ZNF496: variants seen among roughly 807,000 people sequenced by gnomAD.
ZNF496 encodes zinc finger protein 496.
A neutral mutation model predicts 58.9 loss-of-function variants in ZNF496; 11 were observed. The ratio of observed to expected loss-of-function variants is 0.19; its 90% CI spans 0.12 to 0.31. The LOEUF is 0.31. Ranked by LOEUF, ZNF496 falls within the 10% of genes least tolerant of loss-of-function variation. The pLI is 1.00. For synonymous variants in ZNF496, 338 were observed against 318.2 expected, an observed-to-expected ratio of 1.06 and a Z score of -0.66; for missense variants, 660 against 783.0, an observed-to-expected ratio of 0.84 and a Z score of 1.88.
At chr1:247,330,144 C>T (rs1039118341) in intron 2 of ZNF496, 63 bp from the exon 3 acceptor site, 2 of 152,256 alleles carry the variant, frequency 1.3e-5, no homozygotes, top group South Asian at 4.1e-4. Flanking sequence ...GAAAATCCAC[C>T]CTTCTGGTGG....
Position 247,300,852 on chromosome 1 carries a change from G to T in ZNF496, c.1431C>A (p.His477Gln), listed in dbSNP as rs1216767228. 2 of 1,610,946 alleles carry T rather than the reference G, an allele frequency of 1.2e-6. No homozygotes were observed. Among genetic ancestry groups the T allele is most frequent in the South Asian group, 2.2e-5 (2 of 90,674 alleles). Residue 477 changes from histidine (H) to glutamine (Q), a missense_variant, in exon 10 of 10, where the codon CAC becomes CAA. Coordinates refer to ENST00000682384, the MANE Select transcript of ZNF496 (RefSeq NM_032752.3). The surrounding 1 kb of genome is among the most constrained non-coding windows in gnomAD (Gnocchi z 5.7). ...GGTGTATCCGCCGGTGGGAGAGCAG[G>T]TGGGAGTTCAGGCGGAAGCTCTTCC... ...ACGKSFRLNS[H>Q]LLSHRRIHLQ...
intron 6 of ZNF496, among the ~76,000 whole-genome samples, chr1:247,315,355 G>C (rs1659737686): frequency 6.6e-6 from 1 of 152,004 alleles, no homozygotes; most frequent in African/African-American, 2.4e-5. Context: ...CCTGAGGGAA[G>C]GAAGCTGTAT....
chr1:247,301,498 C>T (rs1659236583), intron 9 of ZNF496, among the ~76,000 whole-genome samples: 1 of 152,140 alleles, frequency 6.6e-6, no homozygotes. Context: ...ATGCTGGGCA[C>T]CTTGCTCTCC....
rs1553273480 is a variant in ZNF496, at chr1:247,326,069, T to TATAC, written c.574+2613_574+2614insGTAT. Among the ~76,000 whole-genome samples, 50 of 146,608 alleles carry TATAC rather than the reference T, an allele frequency of 3.4e-4. 2 individuals carry two copies. Among genetic ancestry groups the TATAC allele is most frequent in the Admixed American group, 3.0e-3 (44 of 14,586 alleles). ...ATATATACACACACACACACATATA[T>TATAC]ACACACACACACACATATATACACA... On this transcript the variant is annotated intron_variant, in intron 5 of 9. Transcript: ENST00000682384.
intron 9 of ZNF496, among the ~76,000 whole-genome samples, chr1:247,301,612 G>A (rs770473662): frequency 2.0e-4 from 30 of 152,260 alleles, no homozygotes; most frequent in Non-Finnish European, 3.4e-4. Context: ...ATTTATCTGG[G>A]TAAAGCCTTG....
At chr1:247,320,008 G>A (rs1014722011) in intron 6 of ZNF496, among the ~76,000 whole-genome samples, 6 of 152,122 alleles carry the variant, frequency 3.9e-5, no homozygotes, top group Middle Eastern at 3.4e-3. Flanking sequence ...GTAAAAGGAT[G>A]GAATAAATAT....
At chr1:247,304,040 A>G in intron 9 of ZNF496, 1 of 441,796 alleles carries the variant, frequency 2.3e-6, no homozygotes, top group Non-Finnish European at 4.5e-6. Context: ...ATACCAGCAG[A>G]AACACTGCCA....
chr1:247,322,361 G>A (rs1659988814), intron 6 of ZNF496, among the ~76,000 whole-genome samples: 1 of 152,212 alleles, frequency 6.6e-6, no homozygotes, highest in African/African-American at 2.4e-5. Flanking sequence ...ATTCTGCTGA[G>A]ACATGGTAAT....
chr1:247,317,371 G>C (rs1217475371), intron 6 of ZNF496, among the ~76,000 whole-genome samples: 1 of 152,156 alleles, frequency 6.6e-6, no homozygotes, highest in Non-Finnish European at 1.5e-5. Flanking sequence ...CAGCCAAACA[G>C]GTAATAACTG....
chr1:247,329,841 G>C lies in ZNF496; in HGVS notation c.-38+125C>G, dbSNP rs1660261092. ...TTACGTGTGGATTCCCGTTAAGTGGGTGACTGGATGAACAAGACAGGAAAT... is the reference window on the plus strand; with the variant it reads ...TTACGTGTGGATTCCCGTTAAGTGGCTGACTGGATGAACAAGACAGGAAAT... On this transcript the variant is annotated intron_variant, in intron 3 of 9. Coordinates refer to ENST00000682384, the MANE Select transcript of ZNF496 (RefSeq NM_032752.3). The surrounding 1 kb of genome is among the most constrained non-coding windows in gnomAD (Gnocchi z 5.5). 2.4e-6 allele frequency: 1 copy of C among 409,916 alleles called. No homozygotes were observed. The highest frequency in any genetic ancestry group is 4.3e-6 in the Non-Finnish European group (1 of 233,550). The allele number at this position is 409,916 out of a possible 1,614,324, so 25.4% of individuals were successfully genotyped here.
intron 6 of ZNF496, among the ~76,000 whole-genome samples, chr1:247,319,918 G>A (rs891021631): frequency 3.9e-5 from 6 of 152,078 alleles, no homozygotes; most frequent in East Asian, 1.9e-4. Context: ...GTGAGACTCC[G>A]CCTCAAACAA....
At chr1:247,326,931 C>T (rs894767195) in intron 5 of ZNF496, among the ~76,000 whole-genome samples, 1 of 152,070 alleles carries the variant, frequency 6.6e-6, no homozygotes, top group Non-Finnish European at 1.5e-5. Context: ...TCTTCCTTTC[C>T]CTGAAAGAAA....
chr1:247,301,029 C>T lies in ZNF496; in HGVS notation c.1254G>A (p.Arg418=), dbSNP rs1411538426. 3.7e-6 allele frequency: 6 copies of T among 1,613,614 alleles called. No individual in the cohort carries two copies. The highest frequency in any genetic ancestry group is 3.3e-5 in the Admixed American group (2 of 60,008). Residue 418 remains arginine, a synonymous_variant, in exon 10 of 10, where the codon AGG becomes AGA. Transcript: ENST00000682384. The part of the protein sequence containing the change: ...CPNCGKIFRW[R]VNFIRHLRSR... The stretch of plus-strand genomic sequence containing the variant: ...TCCGCAGATGCCGGATGAAGTTGAC[C>T]CTCCAGCGGAAGATTTTCCCACAGT...
intron 9 of ZNF496, among the ~76,000 whole-genome samples, chr1:247,305,242 T>C (rs2103017434): frequency 6.6e-6 from 1 of 152,230 alleles, no homozygotes; most frequent in Non-Finnish European, 1.5e-5. Flanking sequence ...GCCACTGTTC[T>C]CTAACCTGGG....
chr1:247,302,234 G>C (rs1054063844), intron 9 of ZNF496, among the ~76,000 whole-genome samples: 1 of 152,144 alleles, frequency 6.6e-6, no homozygotes, highest in Non-Finnish European at 1.5e-5. Context: ...CTGTGGGGAG[G>C]AGAGCCCTGG....
intron 5 of ZNF496, among the ~76,000 whole-genome samples, chr1:247,326,806 G>C (rs552971536): frequency 6.6e-6 from 1 of 152,152 alleles, no homozygotes; most frequent in East Asian, 1.9e-4. Flanking sequence ...GTACTTATAA[G>C]AAGAGGAGAT....
At position 247,301,243 on chromosome 1, in the gene ZNF496, A is replaced by T. The variant is rs571167960; in HGVS notation, c.1040T>A (p.Leu347Gln). 6.5e-7 allele frequency: 1 copy of T among 1,529,182 alleles called. No homozygotes were observed. Among genetic ancestry groups the T allele is most frequent in the East Asian group, 2.3e-5 (1 of 44,212 alleles). The allele number at this position is 1,529,182 out of a possible 1,614,324, so 94.7% of individuals were successfully genotyped here. A position where few individuals can be genotyped will look rare whatever the true frequency, so the allele number is the denominator to read the frequency against. ...GGNPRSLENS[L>Q]DEEVTIEIVL... Reference sequence around the variant, plus strand: ...GATCTCGATGGTCACTTCTTCATCCAGGCTGTTCTCTAGAGATCGCGGGTT... The same window carrying T: ...GATCTCGATGGTCACTTCTTCATCCTGGCTGTTCTCTAGAGATCGCGGGTT... Residue 347 changes from leucine to glutamine, a missense_variant, in exon 10 of 10, where the codon CTG (leucine) becomes CAG (glutamine). Physicochemically the swap from Leu to Gln is moderately radical, Grantham distance 113 (BLOSUM62 -2). Coordinates refer to ENST00000682384, the MANE Select transcript of ZNF496 (RefSeq NM_032752.3).
chr1:247,320,892 T>C (rs1057061787), intron 6 of ZNF496, among the ~76,000 whole-genome samples: 1 of 152,154 alleles, frequency 6.6e-6, no homozygotes, highest in Admixed American at 6.6e-5. Context: ...AGGGAATTCA[T>C]GGCCAGGCAT....
chr1:247,317,290 C>T (rs1659811862), intron 6 of ZNF496, among the ~76,000 whole-genome samples: 1 of 152,136 alleles, frequency 6.6e-6, no homozygotes, highest in Non-Finnish European at 1.5e-5. Flanking sequence ...GAGCCAGCTA[C>T]CAAGAAATAC....
Sources: allele counts gnomAD v4.1 joint callset (sites outside exome capture counted in the v4.1 genomes callset), GRCh38; gene constraint gnomAD v4.1.1; non-coding constraint Gnocchi (gnomAD v3.1); transcripts MANE v1.5; gene names NCBI Gene and HGNC (gene_info 2026-07-23, HGNC 2026-07-21).